Variants in THSD4 observed in about 807,000 individuals in gnomAD.
THSD4 encodes thrombospondin type-1 domain-containing protein 4.
A neutral mutation model predicts 119.0 loss-of-function variants in THSD4; 69 were observed. That is an observed-to-expected ratio of 0.58 (90% confidence interval 0.48 to 0.71). The LOEUF (loss-of-function observed/expected upper bound fraction) is 0.71. THSD4 is among the 30% of genes least tolerant of loss of function. The pLI, the probability that THSD4 is intolerant of heterozygous loss-of-function variation, is 0.00. For synonymous variants in THSD4, 524 were observed against 540.4 expected (o/e 0.97, Z 0.42); for missense variants, 1,393 against 1,391.1 (o/e 1.00, Z -0.02).
At chr15:71,218,316 C>T (rs567054605) in intron 4 of THSD4, among the ~76,000 whole-genome samples, 9 of 152,264 alleles carry the variant, frequency 5.9e-5, no homozygotes, top group Non-Finnish European at 1.0e-4. Flanking sequence ...CATCCTCCTG[C>T]GGGTGCCAAC....
chr15:71,507,224 C>A (rs561767194), intron 7 of THSD4, among the ~76,000 whole-genome samples: 1 of 152,222 alleles, frequency 6.6e-6, no homozygotes, highest in South Asian at 2.1e-4. Context: ...ACCGCCCTGC[C>A]CCAGCACCTG....
chr15:71,455,192 T>G (rs954523352), intron 7 of THSD4, among the ~76,000 whole-genome samples: 1 of 152,198 alleles, frequency 6.6e-6, no homozygotes, highest in South Asian at 2.1e-4. Context: ...AGCAGAACTT[T>G]GCTTTCCCTC....
At chr15:71,515,311 T>G (rs768072899) in intron 7 of THSD4, among the ~76,000 whole-genome samples, 8 of 152,230 alleles carry the variant, frequency 5.3e-5, no homozygotes, top group Non-Finnish European at 1.0e-4. Context: ...AATTCCCTTT[T>G]GGATTCTGCT....
intron 7 of THSD4, among the ~76,000 whole-genome samples, chr15:71,608,005 C>T (rs932134239): frequency 2.6e-5 from 4 of 151,964 alleles, no homozygotes; most frequent in East Asian, 1.9e-4. Flanking sequence ...GGGCGGATCA[C>T]GAGGTCAGGA....
At chr15:71,264,941 A>T (rs1309247418) in intron 6 of THSD4, among the ~76,000 whole-genome samples, 1 of 152,002 alleles carries the variant, frequency 6.6e-6, no homozygotes, top group African/African-American at 2.4e-5. Flanking sequence ...TAGAGCCCTA[A>T]CCCCCAGCGT....
At chr15:71,518,184 C>T (rs1264877346) in intron 7 of THSD4, among the ~76,000 whole-genome samples, 2 of 152,272 alleles carry the variant, frequency 1.3e-5, no homozygotes, top group East Asian at 1.9e-4. Flanking sequence ...TTACTTCTTG[C>T]GGGGAAACCT....
intron 7 of THSD4, among the ~76,000 whole-genome samples, chr15:71,449,511 G>C (rs545982676): frequency 6.6e-6 from 1 of 152,262 alleles, no homozygotes; most frequent in Non-Finnish European, 1.5e-5. Context: ...ACTTCACAGA[G>C]TCATTGTGAA....
rs8038946 is a variant in THSD4 at position 71,547,170 on chromosome 15, G to C, written c.1153-113360G>C. 7 of 1,298,364 alleles carry C rather than the reference G, an allele frequency of 5.4e-6. No individual in the cohort carries two copies. In the African/African-American group the frequency reaches 1.1e-4, roughly 20 times the overall value. 80.4% of individuals were successfully genotyped at this position (1,298,364 alleles called of 1,614,324 possible). On this transcript the variant is annotated intron_variant, in intron 7 of 17. Transcript: ENST00000261862. ...AAGGCAGCCCCCCAGCTCCCAGCTGGCTCCTGTCCCCTCCCCCAGCCGGGA... is the reference window on the plus strand; with the variant it reads ...AAGGCAGCCCCCCAGCTCCCAGCTGCCTCCTGTCCCCTCCCCCAGCCGGGA...
At chr15:71,180,361 A>T (rs1469166467) in intron 3 of THSD4, among the ~76,000 whole-genome samples, 1 of 152,156 alleles carries the variant, frequency 6.6e-6, no homozygotes, top group Non-Finnish European at 1.5e-5. Flanking sequence ...TCTCCAAAGA[A>T]GATATGCAAA....
intron 7 of THSD4, among the ~76,000 whole-genome samples, chr15:71,520,231 C>T (rs866978670): frequency 3.3e-5 from 5 of 152,128 alleles, no homozygotes; most frequent in South Asian, 2.1e-4. Flanking sequence ...AGGGTTGGAG[C>T]GTGCTCTCAC....
intron 7 of THSD4, among the ~76,000 whole-genome samples, chr15:71,601,608 C>G (rs1467261093): frequency 6.6e-6 from 1 of 152,154 alleles, no homozygotes; most frequent in African/African-American, 2.4e-5. Flanking sequence ...GTTTTCAAGA[C>G]CAAATAAACT....
chr15:71,355,323 G>C (rs369391146), intron 6 of THSD4, among the ~76,000 whole-genome samples: 1 of 152,166 alleles, frequency 6.6e-6, no homozygotes, highest in Non-Finnish European at 1.5e-5. Flanking sequence ...TTTGAAATTG[G>C]CTTCCAAACC....
chr15:71,663,502 C>T (rs1474872421), intron 8 of THSD4, among the ~76,000 whole-genome samples: 1 of 152,166 alleles, frequency 6.6e-6, no homozygotes, highest in Non-Finnish European at 1.5e-5. Flanking sequence ...TGTGTATTCT[C>T]TTTTTAAAAA....
At chr15:71,435,486 AT>A (rs1490615322) in intron 7 of THSD4, among the ~76,000 whole-genome samples, 1 of 152,210 alleles carries the variant, frequency 6.6e-6, no homozygotes, top group Admixed American at 6.5e-5. Flanking sequence ...AGTCTTTTAA[AT>A]TTAGAGAATT....
At chr15:71,448,654 A>C (rs1472041732) in intron 7 of THSD4, among the ~76,000 whole-genome samples, 1 of 152,208 alleles carries the variant, frequency 6.6e-6, no homozygotes, top group Non-Finnish European at 1.5e-5. Flanking sequence ...ATCATGGAGA[A>C]TGGGGTATCC....
At chr15:71,465,323 C>G (rs150279392) in intron 7 of THSD4, among the ~76,000 whole-genome samples, 5 of 152,268 alleles carry the variant, frequency 3.3e-5, no homozygotes, top group Non-Finnish European at 7.4e-5. Context: ...AGTTCAGGCT[C>G]CTACTGCATC....
At chr15:71,625,582 A>C (rs1209564063) in intron 7 of THSD4, among the ~76,000 whole-genome samples, 1 of 152,228 alleles carries the variant, frequency 6.6e-6, no homozygotes, top group Non-Finnish European at 1.5e-5. Context: ...CTTCTTGGTT[A>C]CTGTCATTCC....
chr15:71,780,850 G>T lies in THSD4; in HGVS notation c.*3476G>T. 2.2e-6 allele frequency: 1 copy of T among 452,380 alleles called. No homozygotes were observed. The highest frequency in any genetic ancestry group is 1.6e-5 in the South Asian group (1 of 64,128). 28.0% of individuals were successfully genotyped at this position (452,380 alleles called of 1,614,324 possible). On this transcript the variant is annotated 3_prime_UTR_variant, in exon 18 of 18. Coordinates refer to ENST00000261862, the MANE Select transcript of THSD4 (RefSeq NM_024817.3). ...CTTTAAAAAGAATGGCCTTACAAAG[G>T]GACAGAAAAGAGAAGACACGAGCTT...
intron 11 of THSD4, among the ~76,000 whole-genome samples, chr15:71,741,684 TACACACACACACACACACAC>T (rs56080459): frequency 1.5e-3 from 220 of 145,830 alleles, no homozygotes; most frequent in African/African-American, 4.8e-3. Context: ...TGTGTGCATG[TACACACACACACACACACAC>T]ACACACACAC....
Sources: allele counts gnomAD v4.1 joint callset (sites outside exome capture counted in the v4.1 genomes callset), GRCh38; gene constraint gnomAD v4.1.1; transcripts MANE v1.5; gene names NCBI Gene and HGNC (gene_info 2026-07-23, HGNC 2026-07-21).